PGAP4: variants seen among roughly 807,000 people sequenced by gnomAD.
PGAP4 encodes post-GPI attachment to proteins GalNAc transferase 4, also known as GPI-N-acetylgalactosamine transferase PGAP4.
PGAP4 carries 12 observed loss-of-function variants against 28.2 expected under a neutral mutation model. The ratio of observed to expected loss-of-function variants is 0.42; its 90% CI spans 0.27 to 0.69. The LOEUF (loss-of-function observed/expected upper bound fraction) is 0.69. Ranked by LOEUF, PGAP4 falls within the 30% of genes least tolerant of loss-of-function variation. PGAP4 has a pLI of 0.22. For synonymous variants in PGAP4, 205 were observed against 211.8 expected (o/e 0.97, Z 0.28); for missense variants, 425 against 513.5 (o/e 0.83, Z 1.67).
rs117989230 is a variant in PGAP4, at chr9:101,486,304, C to A, written c.-78+645G>T. Among the ~76,000 whole-genome samples, 3,435 of 152,294 alleles carry A rather than the reference C, an allele frequency of 0.023. 62 individuals are homozygous for A. The highest frequency in any genetic ancestry group is 0.06 in the East Asian group (308 of 5,146). ...GAGCCTCAGTTTCCCACCCGTAGGC[C>A]GAGCTGACCGTCTCCATCGCTGCGC... On this transcript the variant is annotated intron_variant, in intron 1 of 1. Coordinates refer to ENST00000374848, the MANE Select transcript of PGAP4 (RefSeq NM_032342.3). The surrounding 1 kb of genome is among the most constrained non-coding windows in gnomAD (Gnocchi z 4.7).
intron 2 of PGAP4, among the ~76,000 whole-genome samples, chr9:101,504,616 C>T (rs1273377755): frequency 6.6e-6 from 1 of 151,778 alleles, no homozygotes; most frequent in African/African-American, 2.4e-5. Context: ...TTTTTTGTCC[C>T]AAGAGTTTGT....
At chr9:101,504,830 G>C (rs751441134) in intron 2 of PGAP4, among the ~76,000 whole-genome samples, 2 of 152,064 alleles carry the variant, frequency 1.3e-5, no homozygotes, top group African/African-American at 2.4e-5. Context: ...CACTGGCTAA[G>C]TTGGTCAAGG....
rs1469835563 is a variant in PGAP4 at position 101,526,423 on chromosome 9, T to C, written c.-165+4925A>G. On this transcript the variant is annotated intron_variant, in intron 2 of 3. Coordinates refer to the PGAP4 transcript ENST00000374851. ...TATTGAAATCTCTATTACCCTGGCA[T>C]CCAGTACTTTTATTTTTTTAAATTT... 2.0e-5 allele frequency among the ~76,000 whole-genome samples: 3 copies of C among 152,226 alleles called. No individual in the cohort carries two copies. In the East Asian group the frequency reaches 5.8e-4, roughly 29 times the overall value.
At chr9:101,495,732 A>G (rs1419023097) in intron 2 of PGAP4, among the ~76,000 whole-genome samples, 1 of 150,778 alleles carries the variant, frequency 6.6e-6, no homozygotes, top group Non-Finnish European at 1.5e-5. Flanking sequence ...AGCTTTCTTT[A>G]TTACTTTTAA....
intron 2 of PGAP4, among the ~76,000 whole-genome samples, chr9:101,508,550 C>A (rs1011180641): frequency 2.6e-5 from 4 of 152,058 alleles, no homozygotes; most frequent in Middle Eastern, 3.2e-3. Flanking sequence ...ATTACTCCAC[C>A]CTGTGAGGTC....
At chr9:101,507,308 C>T (rs2118601712) in intron 2 of PGAP4, among the ~76,000 whole-genome samples, 1 of 152,120 alleles carries the variant, frequency 6.6e-6, no homozygotes. Context: ...ATAAGGTTTC[C>T]CAAGACAAAT....
intron 2 of PGAP4, among the ~76,000 whole-genome samples, chr9:101,525,352 G>A (rs186768530): frequency 9.4e-4 from 143 of 152,214 alleles, no homozygotes; most frequent in Admixed American, 8.4e-3. Flanking sequence ...TACAAGTGGA[G>A]ACAATTTGTG....
intron 1 of PGAP4, among the ~76,000 whole-genome samples, chr9:101,482,685 T>C (rs34296991): frequency 0.082 from 12,426 of 152,224 alleles, 713 homozygotes; most frequent in Admixed American, 0.11. Flanking sequence ...CTCCTCACAC[T>C]GTCTAACTCA....
chr9:101,496,443 G>T (rs2118586030), intron 2 of PGAP4, among the ~76,000 whole-genome samples: 1 of 151,460 alleles, frequency 6.6e-6, no homozygotes, highest in African/African-American at 2.4e-5. Context: ...TGTAATTTTA[G>T]TAAGAGCAAA....
rs1035450147 is a variant in PGAP4 at position 101,474,913 on chromosome 9, C to T, written c.*968G>A. The T allele has an allele frequency of 6.6e-6, 1 of 151,800 alleles. No individual in the cohort carries two copies. The highest frequency in any genetic ancestry group is 6.6e-5 in the Admixed American group (1 of 15,246). The allele number at this position is 151,800 out of a possible 1,614,324, so 9.4% of individuals were successfully genotyped here. A position where few individuals can be genotyped will look rare whatever the true frequency, so the allele number is the denominator to read the frequency against. On this transcript the variant is annotated 3_prime_UTR_variant, in exon 2 of 2. Transcript: ENST00000374848. ...AGACCCAGAGTGATTATATGACCTG[C>T]CCAAGGTGGTCACGTCGTTAGGCCA...
chr9:101,485,160 T>C (rs1826584458), intron 1 of PGAP4, among the ~76,000 whole-genome samples: 1 of 152,176 alleles, frequency 6.6e-6, no homozygotes. Context: ...TCTCTCTGCA[T>C]TGTGGTGCCA....
Position 101,531,936 on chromosome 9 carries a change from G to A in PGAP4, c.-376-377C>T, listed in dbSNP as rs147496737. ...GATTAGTGGGGATTATGGTAAACAAGAATAACATGATCTATTAATAAAAGA... is the reference window on the plus strand; with the variant it reads ...GATTAGTGGGGATTATGGTAAACAAAAATAACATGATCTATTAATAAAAGA... On this transcript the variant is annotated intron_variant, in intron 1 of 3. Transcript: ENST00000374851. Among the ~76,000 whole-genome samples the A allele has an allele frequency of 2.6e-3, 392 of 152,326 alleles. 3 individuals are homozygous for A. The highest frequency in any genetic ancestry group is 8.9e-3 in the African/African-American group (370 of 41,574).
intron 2 of PGAP4, among the ~76,000 whole-genome samples, chr9:101,522,529 G>C (rs1365612246): frequency 1.3e-5 from 2 of 152,098 alleles, no homozygotes; most frequent in Non-Finnish European, 2.9e-5. Flanking sequence ...TATAAGAATA[G>C]CTACCCCTGC....
intron 2 of PGAP4, among the ~76,000 whole-genome samples, chr9:101,515,730 T>A (rs909482006): frequency 8.5e-5 from 13 of 152,270 alleles, no homozygotes; most frequent in Admixed American, 2.6e-4. Context: ...TATATTATGA[T>A]TTAAATCTTA....
At chr9:101,484,439 C>G (rs117358399) in intron 1 of PGAP4, among the ~76,000 whole-genome samples, 144 of 152,224 alleles carry the variant, frequency 9.5e-4, no homozygotes, top group South Asian at 1.2e-3. Context: ...GAAATCTTAG[C>G]TAGGTTTGTG....
rs143252816 is a variant in PGAP4 at position 101,499,715 on chromosome 9, A to G, written c.-164-10515T>C. On this transcript the variant is annotated intron_variant, in intron 2 of 3. Coordinates refer to the PGAP4 transcript ENST00000374851. ...AGTCTTTTGTGTTATCAGGCATACAAATGTGAGAACTCTCTCTTCATGGCC... is the reference window on the plus strand; with the variant it reads ...AGTCTTTTGTGTTATCAGGCATACAGATGTGAGAACTCTCTCTTCATGGCC... Among the ~76,000 whole-genome samples the G allele has an allele frequency of 6.8e-4, 104 of 152,150 alleles. 1 individual carries two copies. Among genetic ancestry groups the G allele is most frequent in the African/African-American group, 2.4e-3 (100 of 41,528 alleles).
intron 2 of PGAP4, among the ~76,000 whole-genome samples, chr9:101,492,711 G>A (rs1471094727): frequency 6.6e-6 from 1 of 151,830 alleles, no homozygotes; most frequent in Admixed American, 6.6e-5. Flanking sequence ...TCTTCCCTCA[G>A]CTTCTGATTT....
In PGAP4 at chr9:101,476,900, A is replaced by T. The variant is rs768743673; in HGVS notation, c.193T>A (p.Phe65Ile). The T allele has an allele frequency of 6.2e-7, 1 of 1,613,742 alleles. No individual in the cohort carries two copies. Among genetic ancestry groups the T allele is most frequent in the South Asian group, 1.1e-5 (1 of 91,026 alleles). The change falls in exon 2 of 2, where the codon TTC becomes ATC. Residue 65 changes from phenylalanine (F) to isoleucine (I), a missense_variant. Physicochemically the swap from Phe to Ile is conservative, Grantham distance 21. Coordinates refer to ENST00000374848, the MANE Select transcript of PGAP4 (RefSeq NM_032342.3). This position sits in a 1 kb window ranked among gnomAD's most constrained non-coding sequence, Gnocchi z 7.0. Reference protein sequence around the residue: ...HWHLNQMSQEFLQQSLKEGEA... With the variant: ...HWHLNQMSQEILQQSLKEGEA... ...CCCTCTTTCAAGCTTTGCTGCAGGA[A>T]CTCTTGGCTCATTTGGTTCAGATGC...
At position 101,476,350 on chromosome 9, in the gene PGAP4, G is replaced by A. The variant is rs370971937; in HGVS notation, c.743C>T (p.Pro248Leu). 9.3e-6 allele frequency: 15 copies of A among 1,613,992 alleles called. No individual in the cohort carries two copies. Among genetic ancestry groups the A allele is most frequent in the Non-Finnish European group, 1.2e-5 (14 of 1,180,034 alleles). ...RDALYLKLYH[P>L]ERLQHYINPE... ...ATTGATGTAGTGCTGGAGCCTCTCG[G>A]GGTGATACAGCTTGAGATAAAGGGC... Residue 248 changes from proline to leucine, a missense_variant, in exon 2 of 2, where the codon CCC becomes CTC. Physicochemically the swap from Pro to Leu is moderately conservative, Grantham distance 98. Coordinates refer to ENST00000374848, the MANE Select transcript of PGAP4 (RefSeq NM_032342.3). The surrounding 1 kb of genome is among the most constrained non-coding windows in gnomAD (Gnocchi z 7.0).
Sources: gnomAD v4.1 joint callset for allele counts (sites outside exome capture counted in the v4.1 genomes callset) on GRCh38, gnomAD v4.1.1 for gene constraint, Gnocchi (gnomAD v3.1) non-coding constraint, MANE v1.5 for transcripts, NCBI Gene and HGNC (gene_info 2026-07-23, HGNC 2026-07-21) for gene names.